TEKT5: variants seen among roughly 807,000 people sequenced by gnomAD.
TEKT5 encodes tektin-5.
A neutral mutation model predicts 48.7 loss-of-function variants in TEKT5; 52 were observed. The ratio of observed to expected loss-of-function variants is 1.07; its 90% CI spans 0.86 to 1.35. The LOEUF (loss-of-function observed/expected upper bound fraction) is 1.35, where lower values mean the gene tolerates loss of function less well. TEKT5 is among the 40% of genes most tolerant of loss of function. The pLI is 0.00. For missense variants in TEKT5, 831 were observed against 641.6 expected (o/e 1.30, Z -3.19); for synonymous variants, 318 against 267.6 (o/e 1.19, Z -1.84).
chr16:10,669,284 A>C (rs1047695925), intron 5 of TEKT5, among the ~76,000 whole-genome samples: 2 of 146,154 alleles, frequency 1.4e-5, no homozygotes, highest in Non-Finnish European at 3.0e-5. Context: ...GTTAAACCCT[A>C]TCTCTACTAA....
chr16:10,682,202 A>G lies in TEKT5; in HGVS notation c.720-66T>C. 2.6e-6 allele frequency: 4 copies of G among 1,564,992 alleles called. No individual in the cohort carries two copies. In the African/African-American group the frequency reaches 4.0e-5, roughly 16 times the overall value. ...ACAGAGTACCCAGCTTGGGCCACAC[A>G]GCAGGTGTGTGTTGCAAGCCCTGGA... On this transcript the variant is annotated intron_variant, in intron 3 of 6. Coordinates refer to ENST00000283025, the MANE Select transcript of TEKT5 (RefSeq NM_144674.2).
chr16:10,650,186 C>T (rs1304433674), intron 5 of TEKT5, among the ~76,000 whole-genome samples: 2 of 152,102 alleles, frequency 1.3e-5, no homozygotes, highest in African/African-American at 4.8e-5. Context: ...ATTCTCCTGC[C>T]TCTGGGATTA....
rs769738150 is a variant in TEKT5, at chr16:10,627,604, C to T, written c.1437G>A (p.Pro479=). The change falls in exon 7 of 7, where the codon CCG becomes CCA. Residue 479 remains proline (P), a synonymous_variant. Coordinates refer to ENST00000283025, the MANE Select transcript of TEKT5 (RefSeq NM_144674.2). ...MGMRKTFPCT[P]RLVGHT ...GTGCTCAGGTGTGGCCCACCAGGCG[C>T]GGGGTGCAGGGGAAGGTCTTACGCA... is the stretch of plus-strand genomic sequence containing the variant. 3.1e-6 allele frequency: 5 copies of T among 1,614,058 alleles called. No individual in the cohort carries two copies. The highest frequency in any genetic ancestry group is 1.3e-5 in the African/African-American group (1 of 74,942).
At chr16:10,692,286 T>G (rs983196082) in intron 1 of TEKT5, among the ~76,000 whole-genome samples, 9 of 152,118 alleles carry the variant, frequency 5.9e-5, no homozygotes, top group Non-Finnish European at 8.8e-5. Context: ...CCATCATTCT[T>G]CCCAGGGAGA....
At chr16:10,692,595 T>C (rs1898998992) in intron 1 of TEKT5, 1 of 152,252 alleles carries the variant, frequency 6.6e-6, no homozygotes. Flanking sequence ...AACATTCACT[T>C]ATCCAGACCC....
chr16:10,676,272 G>A (rs1369694188), intron 4 of TEKT5, 91 bp from the exon 5 acceptor site: 10 of 1,251,120 alleles, frequency 8.0e-6, no homozygotes, highest in Non-Finnish European at 9.1e-6. Flanking sequence ...TCTGGGTCGG[G>A]ATTATTCTCT....
intron 3 of TEKT5, among the ~76,000 whole-genome samples, chr16:10,687,237 T>A (rs1898877766): frequency 6.6e-6 from 1 of 152,186 alleles, no homozygotes; most frequent in African/African-American, 2.4e-5. Flanking sequence ...AAAATAAGTA[T>A]GTGAGGTAAC....
intron 3 of TEKT5, among the ~76,000 whole-genome samples, chr16:10,688,339 C>T (rs1378639788): frequency 6.6e-6 from 1 of 152,250 alleles, no homozygotes; most frequent in Non-Finnish European, 1.5e-5. Context: ...CCAGAACTAA[C>T]CCCTTCGGGG....
rs748580746 is a variant in TEKT5, at chr16:10,681,992, C to G, written c.863+1G>C. On this transcript the variant is annotated splice_donor_variant, in intron 4 of 6. Coordinates refer to ENST00000283025, the MANE Select transcript of TEKT5 (RefSeq NM_144674.2). LOFTEE classifies it high-confidence loss of function. ...ATGGGGAGGGGGAGTCTGATACTTA[C>G]GTGCCGTCAATTTTCTCCATGCCGT... 1 of 1,613,726 alleles carries G rather than the reference C, an allele frequency of 6.2e-7. No individual in the cohort carries two copies. The highest frequency in any genetic ancestry group is 1.1e-5 in the South Asian group (1 of 91,012).
chr16:10,652,113 G>T (rs1452498987), intron 5 of TEKT5, among the ~76,000 whole-genome samples: 2 of 152,156 alleles, frequency 1.3e-5, no homozygotes, highest in African/African-American at 2.4e-5. Context: ...CTAGTCCATG[G>T]GCTGGAGGTG....
At chr16:10,693,345 C>G (rs1899014998) in intron 1 of TEKT5, among the ~76,000 whole-genome samples, 1 of 152,194 alleles carries the variant, frequency 6.6e-6, no homozygotes, top group African/African-American at 2.4e-5. Flanking sequence ...TCCACCTGCC[C>G]TGGCCTCACA....
chr16:10,628,889 G>A (rs1897794326), intron 6 of TEKT5, among the ~76,000 whole-genome samples: 2 of 138,948 alleles, frequency 1.4e-5, no homozygotes, highest in Admixed American at 1.4e-4. Context: ...CTGGGAGCCT[G>A]AGCGAAACTC....
chr16:10,635,757 C>A lies in TEKT5; in HGVS notation c.1241+7G>T. The A allele has an allele frequency of 6.2e-7, 1 of 1,609,688 alleles. No individual in the cohort carries two copies. The highest frequency in any genetic ancestry group is 1.1e-5 in the South Asian group (1 of 90,872). ...TTCTCCTGCCTCCTCTGGCCTCCCT[C>A]ACTTACTTCAACTGCGGGATGTCCC... On this transcript the variant is annotated splice_region_variant and intron_variant, in intron 6 of 6. Transcript: ENST00000283025.
rs781104228 is a variant in TEKT5 at position 10,676,096 on chromosome 16, G to A, written c.949C>T (p.Arg317Trp). 47 of 1,614,108 alleles carry A rather than the reference G, an allele frequency of 2.9e-5. No individual in the cohort carries two copies. The highest frequency in any genetic ancestry group is 6.7e-5 in the African/African-American group (5 of 74,934). The part of the protein sequence containing the change: ...QNMRANSIQL[R>W]EEAEHLFETL... ...TCAAAGAGGTGCTCCGCCTCCTCCC[G>A]CAGCTGGATGGAGTTGGCCCGCATG... is the stretch of plus-strand genomic sequence containing the variant. Residue 317 changes from arginine (R) to tryptophan (W), a missense_variant, in exon 5 of 7, where the codon CGG (arginine) becomes TGG (tryptophan). Coordinates refer to ENST00000283025, the MANE Select transcript of TEKT5 (RefSeq NM_144674.2).
In TEKT5 at chr16:10,666,302, G is replaced by A. The variant is rs984145110; in HGVS notation, c.1086+9657C>T. Among the ~76,000 whole-genome samples, 7 of 152,260 alleles carry A rather than the reference G, an allele frequency of 4.6e-5. No individual in the cohort carries two copies. In the East Asian group the frequency reaches 1.4e-3, roughly 29 times the overall value. The stretch of plus-strand genomic sequence containing the variant: ...TCACGCAGATCTGAAGAATTCTGGA[G>A]GTCTTCTACCTCCTCAAACCCTCCC... On this transcript the variant is annotated intron_variant, in intron 5 of 6. Coordinates refer to ENST00000283025, the MANE Select transcript of TEKT5 (RefSeq NM_144674.2).
At chr16:10,689,201 G>T (rs1898919261) in intron 3 of TEKT5, 52 bp downstream of exon 3, 1 of 1,488,386 alleles carries the variant, frequency 6.7e-7, no homozygotes, top group South Asian at 1.2e-5. Flanking sequence ...AAATCTGAGA[G>T]TCCTAAAACA....
rs1055643611 is a variant in TEKT5, at chr16:10,693,310, G to C, written c.564+1000C>G. Reference sequence around the variant, plus strand: ...GGGTTTCATCATGTTGACCAGGCTGGTCTCAAACTCCTGACCTCAGGTGAT... The same window carrying C: ...GGGTTTCATCATGTTGACCAGGCTGCTCTCAAACTCCTGACCTCAGGTGAT... On this transcript the variant is annotated intron_variant, in intron 1 of 6. Transcript: ENST00000283025. Among the ~76,000 whole-genome samples, 6 of 152,194 alleles carry C rather than the reference G, an allele frequency of 3.9e-5. No homozygotes were observed. The East Asian group carries it at 1.2e-3, about 29-fold the overall frequency.
intron 5 of TEKT5, among the ~76,000 whole-genome samples, chr16:10,664,034 A>G (rs948345803): frequency 1.3e-5 from 2 of 152,234 alleles, no homozygotes; most frequent in African/African-American, 4.8e-5. Flanking sequence ...CTGAGAGACC[A>G]ATATGCTCTT....
intron 2 of TEKT5, among the ~76,000 whole-genome samples, 169 bp downstream of exon 2, chr16:10,689,773 C>T (rs1309718925): frequency 2.0e-5 from 3 of 152,180 alleles, no homozygotes; most frequent in East Asian, 1.9e-4. Flanking sequence ...CTCCATTACT[C>T]CCTGTTCCTA....
Sources: allele counts gnomAD v4.1 joint callset (sites outside exome capture counted in the v4.1 genomes callset), GRCh38; gene constraint gnomAD v4.1.1; transcripts MANE v1.5; gene names NCBI Gene and HGNC (gene_info 2026-07-23, HGNC 2026-07-21).